JAZF1: variants seen among roughly 807,000 people sequenced by gnomAD.
The protein encoded by JAZF1 is JAZF zinc finger 1.
Under a neutral mutation model 26.4 loss-of-function variants are expected in JAZF1, and 8 were observed. That is an observed-to-expected ratio of 0.30 (90% CI 0.18 to 0.55). The LOEUF is 0.55. JAZF1 is among the 20% of genes least tolerant of loss of function. The probability of loss-of-function intolerance (pLI) is 0.94; values close to 1 mark genes in which losing one functional copy is unlikely to be tolerated. For missense variants in JAZF1, 199 were observed against 322.0 expected (o/e 0.62, Z 2.92); for synonymous variants, 126 against 122.3 (o/e 1.03, Z -0.20).
chr7:27,912,691 C>T (rs920213035), intron 2 of JAZF1, among the ~76,000 whole-genome samples: 21 of 152,066 alleles, frequency 1.4e-4, no homozygotes, highest in Non-Finnish European at 2.5e-4. Flanking sequence ...CCAACTTTTT[C>T]CCCCCTATAT....
chr7:28,070,464 G>C (rs1783958588), intron 1 of JAZF1, among the ~76,000 whole-genome samples: 1 of 152,216 alleles, frequency 6.6e-6, no homozygotes. Flanking sequence ...CTTTGGCTAA[G>C]CACATGTTTT....
At chr7:27,965,560 A>G (rs779887376) in intron 2 of JAZF1, among the ~76,000 whole-genome samples, 9 of 152,208 alleles carry the variant, frequency 5.9e-5, no homozygotes, top group African/African-American at 2.2e-4. Context: ...AGAAAATGTT[A>G]TATTTCTATA....
At chr7:28,134,814 T>C (rs569088028) in intron 1 of JAZF1, among the ~76,000 whole-genome samples, 14 of 152,280 alleles carry the variant, frequency 9.2e-5, no homozygotes, top group African/African-American at 3.4e-4. Context: ...ACACTATCAT[T>C]TATAATCTTC....
At chr7:27,963,387 A>G (rs931481262) in intron 2 of JAZF1, among the ~76,000 whole-genome samples, 4 of 152,174 alleles carry the variant, frequency 2.6e-5, no homozygotes, top group Non-Finnish European at 1.5e-5. Context: ...CTACTCTTTT[A>G]TTTCATTCCA....
chr7:28,089,468 T>C (rs1784260509), intron 1 of JAZF1, among the ~76,000 whole-genome samples: 3 of 152,174 alleles, frequency 2.0e-5, no homozygotes, highest in Non-Finnish European at 4.4e-5. Context: ...TACTGGGAAG[T>C]GGAGTGCTGC....
At chr7:27,926,353 C>T (rs1465380618) in intron 2 of JAZF1, among the ~76,000 whole-genome samples, 1 of 152,228 alleles carries the variant, frequency 6.6e-6, no homozygotes, top group Non-Finnish European at 1.5e-5. Flanking sequence ...TCAACAGCAA[C>T]ACTGTACAAG....
At chr7:27,860,141 A>G (rs1321711016) in intron 3 of JAZF1, among the ~76,000 whole-genome samples, 1 of 152,222 alleles carries the variant, frequency 6.6e-6, no homozygotes, top group Non-Finnish European at 1.5e-5. Context: ...ATTTTCTTAA[A>G]TGTATGATAG....
At position 27,895,313 on chromosome 7, in the gene JAZF1, A is replaced by G; in HGVS notation, c.292T>C (p.Ser98Pro). The G allele has an allele frequency of 6.2e-7, 1 of 1,609,394 alleles. No individual in the cohort carries two copies. ...LSSSVSRGNVSTPPRHSSGSL... is the reference protein window; with the variant it reads ...LSSSVSRGNVPTPPRHSSGSL... ...CCACTGCTGTGGCGTGGGGGAGTGG[A>G]CACATTCCCTCGAGACACTGAGCTG... The change falls in exon 3 of 5, where the codon TCC becomes CCC. Residue 98 changes from serine to proline, a missense_variant. Coordinates refer to ENST00000283928, the MANE Select transcript of JAZF1 (RefSeq NM_175061.4).
chr7:28,140,541 G>A (rs1782946765), intron 1 of JAZF1, among the ~76,000 whole-genome samples: 2 of 152,032 alleles, frequency 1.3e-5, no homozygotes, highest in African/African-American at 4.8e-5. Context: ...AAACCCCACC[G>A]AGATTCTGAC....
intron 2 of JAZF1, among the ~76,000 whole-genome samples, chr7:27,964,048 T>C (rs1181227586): frequency 1.3e-5 from 2 of 152,220 alleles, no homozygotes; most frequent in East Asian, 1.9e-4. Flanking sequence ...GCTTCCATTA[T>C]ACCCTCTTCC....
intron 3 of JAZF1, among the ~76,000 whole-genome samples, chr7:27,879,159 T>G (rs1783727090): frequency 6.6e-6 from 1 of 152,218 alleles, no homozygotes; most frequent in African/African-American, 2.4e-5. Flanking sequence ...CTCATAACCA[T>G]GATATTTTCA....
At chr7:28,083,369 G>T (rs1784166904) in intron 1 of JAZF1, among the ~76,000 whole-genome samples, 3 of 152,164 alleles carry the variant, frequency 2.0e-5, no homozygotes, top group Admixed American at 2.0e-4. Context: ...ATAAACTCAT[G>T]ATTATGAATA....
At chr7:28,164,353 A>C (rs1325196394) in intron 1 of JAZF1, among the ~76,000 whole-genome samples, 1 of 152,220 alleles carries the variant, frequency 6.6e-6, no homozygotes, top group African/African-American at 2.4e-5. Flanking sequence ...AATTACAGGT[A>C]CGAATATATG....
At chr7:27,899,338 GT>G (rs1784126462) in intron 2 of JAZF1, among the ~76,000 whole-genome samples, 1 of 152,186 alleles carries the variant, frequency 6.6e-6, no homozygotes. Context: ...CCAAGGCTGA[GT>G]TCAGGTTAAG....
intron 1 of JAZF1, among the ~76,000 whole-genome samples, chr7:28,051,972 T>A (rs1412050296): frequency 1.3e-5 from 2 of 152,146 alleles, no homozygotes; most frequent in Non-Finnish European, 2.9e-5. Flanking sequence ...TAGAAGCCAA[T>A]GCATAAAATC....
intron 1 of JAZF1, among the ~76,000 whole-genome samples, chr7:28,164,751 GC>G (rs1486282597): frequency 6.6e-6 from 1 of 152,098 alleles, no homozygotes; most frequent in African/African-American, 2.4e-5. Context: ...CTCCTCCCCT[GC>G]CCCCATTTCT....
chr7:28,009,188 C>T (rs545418839), intron 1 of JAZF1, among the ~76,000 whole-genome samples: 6 of 151,742 alleles, frequency 4.0e-5, no homozygotes, highest in East Asian at 1.9e-4. Flanking sequence ...AAAGATACTG[C>T]GTCTTCATTT....
At chr7:27,837,973 T>C (rs1336673605) in intron 4 of JAZF1, among the ~76,000 whole-genome samples, 1 of 151,990 alleles carries the variant, frequency 6.6e-6, no homozygotes, top group South Asian at 2.1e-4. Flanking sequence ...GGAATCTACA[T>C]TAACAAGCTA....
intron 2 of JAZF1, among the ~76,000 whole-genome samples, chr7:27,953,654 T>C (rs1290167812): frequency 6.6e-6 from 1 of 152,180 alleles, no homozygotes; most frequent in Non-Finnish European, 1.5e-5. Flanking sequence ...ACCTATATTC[T>C]TTGGGGGTGG....
Sources: allele counts gnomAD v4.1 joint callset (sites outside exome capture counted in the v4.1 genomes callset), GRCh38; gene constraint gnomAD v4.1.1; transcripts MANE v1.5; gene names NCBI Gene and HGNC (gene_info 2026-07-23, HGNC 2026-07-21).